Variants in MTOR observed in about 807,000 individuals in gnomAD.
The protein encoded by MTOR is serine/threonine-protein kinase mTOR.
Under a neutral mutation model 319.8 loss-of-function variants are expected in MTOR, and 70 were observed. The observed-to-expected ratio is 0.22, with a 90% confidence interval of 0.18 to 0.27. The LOEUF (loss-of-function observed/expected upper bound fraction) is 0.27, where lower values mean the gene tolerates loss of function less well. MTOR is among the 10% of genes least tolerant of loss of function. The pLI is 1.00. For missense variants in MTOR, 1,890 were observed against 3,274.4 expected (o/e 0.58, Z 10.32); for synonymous variants, 1,183 against 1,211.4 (o/e 0.98, Z 0.49).
intron 19 of MTOR, among the ~76,000 whole-genome samples, chr1:11,226,750 AC>A (rs1161340774): frequency 6.6e-6 from 1 of 152,108 alleles, no homozygotes; most frequent in Non-Finnish European, 1.5e-5. Flanking sequence ...CCTCTGTGTC[AC>A]CAGCTTGGGC....
intron 5 of MTOR, among the ~76,000 whole-genome samples, chr1:11,254,432 G>A (rs535605389): frequency 1.3e-3 from 196 of 152,104 alleles, no homozygotes; most frequent in African/African-American, 4.1e-3. Context: ...AAGCCACCAC[G>A]CCCAGCCCCA....
At chr1:11,132,242 C>T (rs932773024) in intron 38 of MTOR, 1 of 152,138 alleles carries the variant, frequency 6.6e-6, no homozygotes, top group Non-Finnish European at 1.5e-5. Flanking sequence ...AATAAGCTTC[C>T]AGTTAATAGT....
rs756225281 is a variant in MTOR at position 11,210,174 on chromosome 1, C to T, written c.3654+640G>A. Among the ~76,000 whole-genome samples the T allele has an allele frequency of 5.5e-4, 83 of 151,976 alleles. 1 individual carries two copies. Among genetic ancestry groups the T allele is most frequent in the Non-Finnish European group, 1.1e-3 (72 of 67,982 alleles). On this transcript the variant is annotated intron_variant, in intron 24 of 57. Coordinates refer to ENST00000361445, the MANE Select transcript of MTOR (RefSeq NM_004958.4). The stretch of plus-strand genomic sequence containing the variant: ...TGAGCCCCTGTGCCTAGCCTTTAAT[C>T]TACTTTGAGATAGGGTCTCACTCTG...
intron 28 of MTOR, chr1:11,195,452 C>T (rs28918368): frequency 0.029 from 4,662 of 158,350 alleles, 178 homozygotes; most frequent in Admixed American, 0.07. Flanking sequence ...AAAGGATAGG[C>T]CTTTGAGTGT....
chr1:11,232,291 C>G (rs541588174), intron 16 of MTOR, 145 bp downstream of exon 16: 1 of 549,188 alleles, frequency 1.8e-6, no homozygotes, highest in African/African-American at 1.9e-5. Context: ...CTAACTTTTA[C>G]TCATTCAACA....
chr1:11,120,487 G>A (rs554140327), intron 49 of MTOR, among the ~76,000 whole-genome samples: 3 of 151,062 alleles, frequency 2.0e-5, no homozygotes, highest in African/African-American at 7.3e-5. Flanking sequence ...GCAGTGAGCC[G>A]AGATCTTGCC....
In MTOR at chr1:11,232,455, G is replaced by A. The variant is rs2100873199; in HGVS notation, c.2495C>T (p.Ser832Phe). 6.2e-7 allele frequency: 1 copy of A among 1,613,930 alleles called. No individual in the cohort carries two copies. The highest frequency in any genetic ancestry group is 8.5e-7 in the Non-Finnish European group (1 of 1,179,842). ...IIIMDMLQDSSLLAKRQVALW... is the reference protein window; with the variant it reads ...IIIMDMLQDSFLLAKRQVALW... The stretch of plus-strand genomic sequence containing the variant: ...ACTCACCTGCCTTTTGGCCAACAAA[G>A]AGGAATCCTGGAGCATGTCCATGAT... The change falls in exon 16 of 58, where the codon TCT (serine) becomes TTT (phenylalanine). Residue 832 changes from serine to phenylalanine, a missense_variant. Ser to Phe is a radical substitution (Grantham distance 155, BLOSUM62 -2). Transcript: ENST00000361445.
intron 28 of MTOR, among the ~76,000 whole-genome samples, chr1:11,197,747 T>C (rs750229732): frequency 6.6e-6 from 1 of 152,158 alleles, no homozygotes; most frequent in Non-Finnish European, 1.5e-5. Context: ...TTCACCATGT[T>C]GGCCAGGCTG....
Position 11,212,320 on chromosome 1 carries a change from C to T in MTOR, c.3553G>A (p.Gly1185Arg), listed in dbSNP as rs2100792708. Residue 1185 changes from glycine to arginine, a missense_variant, in exon 23 of 58, where the codon GGG becomes AGG. By Grantham distance (125) the Gly-to-Arg change is moderately radical (BLOSUM62 -2). Around this residue, in one of 15 missense-constraint regions of MTOR, gnomAD observed 115 missense variants for 105.7 expected, o/e 1.09. Coordinates refer to ENST00000361445, the MANE Select transcript of MTOR (RefSeq NM_004958.4). This position sits in a 1 kb window ranked among gnomAD's most constrained non-coding sequence, Gnocchi z 4.1. ...CCAGACTCCCATCTTACCTTCTTCC[C>T]CAGCTGAAAAACAAGTGAAGACAGC... ...DTLSSLVFQL[G>R]KKYQIFIPMV... The T allele has an allele frequency of 5.6e-6, 9 of 1,613,392 alleles. No homozygotes were observed. Among genetic ancestry groups the T allele is most frequent in the Non-Finnish European group, 6.8e-6 (8 of 1,179,690 alleles).
chr1:11,236,877 T>G (rs149154826), intron 13 of MTOR, among the ~76,000 whole-genome samples: 1,712 of 152,256 alleles, frequency 0.011, 68 homozygotes, highest in South Asian at 0.065. Context: ...TGGCAGGCAC[T>G]TCTAACGCAG....
intron 11 of MTOR, 91 bp from the exon 12 acceptor site, chr1:11,238,708 G>A: frequency 2.7e-6 from 3 of 1,130,200 alleles, no homozygotes; most frequent in Non-Finnish European, 2.5e-6. Flanking sequence ...CCATTTTGAG[G>A]CTACTAATTC....
At chr1:11,192,634 T>C (rs1276057177) in intron 28 of MTOR, among the ~76,000 whole-genome samples, 2 of 151,234 alleles carry the variant, frequency 1.3e-5, no homozygotes, top group Non-Finnish European at 2.9e-5. Flanking sequence ...GGTGGGCACC[T>C]GTAATCCCTG....
At position 11,112,838 on chromosome 1, in the gene MTOR, G is replaced by A. The variant is rs765820199; in HGVS notation, c.7366+14C>T. On this transcript the variant is annotated intron_variant, in intron 54 of 57. Coordinates refer to ENST00000361445, the MANE Select transcript of MTOR (RefSeq NM_004958.4). ...AGGGGGAGAGCCTTTGCGACCTCCCGTGGATGCACCTACCGACTGACTGGC... is the reference window on the plus strand; with the variant it reads ...AGGGGGAGAGCCTTTGCGACCTCCCATGGATGCACCTACCGACTGACTGGC... 2.9e-5 allele frequency: 47 copies of A among 1,613,960 alleles called. No homozygotes were observed. Among genetic ancestry groups the A allele is most frequent in the Admixed American group, 2.8e-4 (17 of 59,984 alleles).
rs375256941 is a variant in MTOR at position 11,259,290 on chromosome 1, G to A, written c.120C>T (p.Ala40=). ...KSRNEETRAK[A]AKELQHYVTM... ...TGACATAGTGCTGGAGCTCCTTGGCGGCTTTGGCCCTGGTTTCCTCATTCC... is the reference window on the plus strand; with the variant it reads ...TGACATAGTGCTGGAGCTCCTTGGCAGCTTTGGCCCTGGTTTCCTCATTCC... The change falls in exon 2 of 58, where the codon GCC becomes GCT. Residue 40 remains alanine (A), a synonymous_variant. Coordinates refer to ENST00000361445, the MANE Select transcript of MTOR (RefSeq NM_004958.4). The A allele has an allele frequency of 3.9e-5, 63 of 1,613,838 alleles. No individual in the cohort carries two copies. Among genetic ancestry groups the A allele is most frequent in the African/African-American group, 9.3e-5 (7 of 74,884 alleles).
chr1:11,190,428 T>C (rs1326413708), intron 28 of MTOR, among the ~76,000 whole-genome samples: 1 of 152,186 alleles, frequency 6.6e-6, no homozygotes, highest in African/African-American at 2.4e-5. Context: ...TTGTGTCCTC[T>C]CTCTGTAAAC....
At chr1:11,195,361 T>C (rs1434686448) in intron 28 of MTOR, 2 of 218,280 alleles carry the variant, frequency 9.2e-6, no homozygotes, top group South Asian at 1.0e-4. Context: ...GATCGTTTTA[T>C]CTATTTTCTC....
At chr1:11,117,755 A>G in intron 49 of MTOR, among the ~76,000 whole-genome samples, 1 of 152,132 alleles carries the variant, frequency 6.6e-6, no homozygotes, top group Non-Finnish European at 1.5e-5. Context: ...ACAGAAGAGG[A>G]GCCCTAGAAA....
At chr1:11,189,075 G>C (rs1034528) in intron 28 of MTOR, among the ~76,000 whole-genome samples, 45,712 of 152,022 alleles carry the variant, frequency 0.3, 7,291 homozygotes, top group African/African-American at 0.41. Flanking sequence ...TGCTGATAGA[G>C]TTGAGCCAGT....
intron 6 of MTOR, among the ~76,000 whole-genome samples, chr1:11,249,625 T>G (rs12758177): frequency 2.4e-5 from 3 of 122,822 alleles, no homozygotes; most frequent in East Asian, 2.6e-4. Flanking sequence ...TGACTCTTAA[T>G]GAGCATGCTG....
Sources: gnomAD v4.1 joint callset for allele counts (sites outside exome capture counted in the v4.1 genomes callset) on GRCh38, gnomAD v4.1.1 for gene constraint, gnomAD v4.1.1 regional missense constraint, Gnocchi (gnomAD v3.1) non-coding constraint, MANE v1.5 for transcripts, NCBI Gene and HGNC (gene_info 2026-07-23, HGNC 2026-07-21) for gene names.